OSBPL6: variants seen among roughly 807,000 people sequenced by gnomAD.
OSBPL6 encodes the protein oxysterol binding protein like 6.
Under a neutral mutation model 125.8 loss-of-function variants are expected in OSBPL6, and 49 were observed. The ratio of observed to expected loss-of-function variants is 0.39; its 90% CI spans 0.31 to 0.49. The LOEUF is 0.49. Ranked by LOEUF, OSBPL6 falls within the 20% of genes least tolerant of loss-of-function variation. The probability of loss-of-function intolerance (pLI) is 0.88; values close to 1 mark genes in which losing one functional copy is unlikely to be tolerated. For synonymous variants in OSBPL6, 394 were observed against 391.8 expected (o/e 1.01, Z -0.07); for missense variants, 986 against 1,135.4 (o/e 0.87, Z 1.89).
chr2:178,380,433 G>A (rs1166647649), intron 15 of OSBPL6, among the ~76,000 whole-genome samples: 1 of 135,188 alleles, frequency 7.4e-6, no homozygotes, highest in Non-Finnish European at 1.5e-5. Context: ...CTTCAGCCTG[G>A]GCAGCAGAGT....
In OSBPL6 at chr2:178,250,165, C is replaced by T. The variant is rs114255001; in HGVS notation, c.-350-34762C>T. 2.2e-3 allele frequency among the ~76,000 whole-genome samples: 333 copies of T among 152,254 alleles called. 2 individuals carry two copies. Among genetic ancestry groups the T allele is most frequent in the African/African-American group, 7.8e-3 (326 of 41,546 alleles). Reference sequence around the variant, plus strand: ...CAGCTATGCTGATGCCGTTTGGTTTCCAAGACTGAATTCTTGATGCTTCAT... The same window carrying T: ...CAGCTATGCTGATGCCGTTTGGTTTTCAAGACTGAATTCTTGATGCTTCAT... On this transcript the variant is annotated intron_variant, in intron 1 of 24. Coordinates refer to ENST00000190611, the MANE Select transcript of OSBPL6 (RefSeq NM_032523.4).
intron 2 of OSBPL6, among the ~76,000 whole-genome samples, chr2:178,296,219 G>T (rs1192588120): frequency 1.3e-5 from 2 of 152,168 alleles, no homozygotes; most frequent in Non-Finnish European, 2.9e-5. Context: ...TTTCCAGGAA[G>T]TTCCCAAGTG....
At chr2:178,252,856 G>A (rs1574637247) in intron 1 of OSBPL6, among the ~76,000 whole-genome samples, 1 of 152,156 alleles carries the variant, frequency 6.6e-6, no homozygotes, top group East Asian at 1.9e-4. Flanking sequence ...CACTAAAATA[G>A]TATGATCTTT....
chr2:178,353,771 A>C (rs968916488), intron 12 of OSBPL6, among the ~76,000 whole-genome samples: 7 of 152,222 alleles, frequency 4.6e-5, no homozygotes, highest in Admixed American at 4.6e-4. Flanking sequence ...CAACAAGAGC[A>C]ACCCCAAGGC....
chr2:178,347,111 AAAT>A (rs199817012), intron 11 of OSBPL6, among the ~76,000 whole-genome samples: 4,773 of 152,222 alleles, frequency 0.031, 237 homozygotes, highest in African/African-American at 0.11. Context: ...TTTAATAGAG[AAAT>A]AATAATTTAT....
intron 3 of OSBPL6, among the ~76,000 whole-genome samples, chr2:178,317,437 CATATATATAT>C (rs6147046): frequency 0.12 from 12,672 of 106,560 alleles, 804 homozygotes; most frequent in East Asian, 0.16. Context: ...ACTTAGACAC[CATATATATAT>C]ATATATATAT....
chr2:178,257,275 T>C (rs1034652690), intron 1 of OSBPL6, among the ~76,000 whole-genome samples: 1 of 152,230 alleles, frequency 6.6e-6, no homozygotes, highest in African/African-American at 2.4e-5. Context: ...TAGAATATGC[T>C]TTTAGGCATC....
chr2:178,395,455 G>C lies in OSBPL6; in HGVS notation c.2701G>C (p.Val901Leu). ...LEHIPKFFKK[V>L]IDANQREAWV... ...TTGATGTTTATATTTTCACAGAAAA[G>C]TTATTGATGCCAATCAAAGAGAAGC... is the stretch of plus-strand genomic sequence containing the variant. The change falls in exon 25 of 25, where the codon GTT becomes CTT. Residue 901 changes from valine (V) to leucine (L), a missense_variant. Coordinates refer to ENST00000190611, the MANE Select transcript of OSBPL6 (RefSeq NM_032523.4). 1 of 1,612,074 alleles carries C rather than the reference G, an allele frequency of 6.2e-7. No individual in the cohort carries two copies. The highest frequency in any genetic ancestry group is 8.5e-7 in the Non-Finnish European group (1 of 1,178,564).
chr2:178,215,448 T>C (rs939281497), intron 1 of OSBPL6, among the ~76,000 whole-genome samples: 1 of 152,172 alleles, frequency 6.6e-6, no homozygotes, highest in African/African-American at 2.4e-5. Context: ...GCAGTGGAGA[T>C]GAGGCTGAAT....
chr2:178,339,578 G>A (rs1225166873), intron 10 of OSBPL6, 94 bp from the exon 11 acceptor site: 4 of 954,534 alleles, frequency 4.2e-6, no homozygotes, highest in African/African-American at 1.7e-5. Flanking sequence ...CTCTAACAAT[G>A]ACCTTTAGTA....
At position 178,398,956 on chromosome 2, in the gene OSBPL6, A is replaced by G. The variant is rs1696009733; in HGVS notation, c.*3397A>G. The G allele has an allele frequency of 6.6e-6, 1 of 151,966 alleles. No homozygotes were observed. Among genetic ancestry groups the G allele is most frequent in the Non-Finnish European group, 1.5e-5 (1 of 68,024 alleles). The allele number at this position is 151,966 out of a possible 1,614,324, so 9.4% of individuals were successfully genotyped here. ...TTTTTGTTATTACCTTGTGGATTTTAATTATCCATCTTGTCTAATCTTGTT... is the reference window on the plus strand; with the variant it reads ...TTTTTGTTATTACCTTGTGGATTTTGATTATCCATCTTGTCTAATCTTGTT... On this transcript the variant is annotated 3_prime_UTR_variant, in exon 25 of 25. Transcript: ENST00000190611.
intron 2 of OSBPL6, among the ~76,000 whole-genome samples, chr2:178,296,926 A>T (rs1253991513): frequency 6.6e-6 from 1 of 152,214 alleles, no homozygotes; most frequent in Non-Finnish European, 1.5e-5. Context: ...GCTTGCATAA[A>T]CACTGCTATT....
At chr2:178,381,983 C>G (rs1469523704) in intron 15 of OSBPL6, among the ~76,000 whole-genome samples, 1 of 152,208 alleles carries the variant, frequency 6.6e-6, no homozygotes, top group Non-Finnish European at 1.5e-5. Context: ...TGGGCAACTC[C>G]TATTCATTCT....
intron 3 of OSBPL6, among the ~76,000 whole-genome samples, chr2:178,315,716 C>T (rs62176078): frequency 0.18 from 26,997 of 152,026 alleles, 2,594 homozygotes; most frequent in Admixed American, 0.24. Context: ...ACTGCCTGTT[C>T]GGTTCTCAGG....
intron 2 of OSBPL6, among the ~76,000 whole-genome samples, chr2:178,286,073 A>G (rs1332966453): frequency 2.6e-5 from 4 of 152,240 alleles, no homozygotes; most frequent in Non-Finnish European, 5.9e-5. Flanking sequence ...ATTTTAGATT[A>G]GAGCTTGCAA....
intron 1 of OSBPL6, among the ~76,000 whole-genome samples, chr2:178,253,317 A>G (rs1224755901): frequency 3.3e-5 from 5 of 152,122 alleles, no homozygotes; most frequent in Non-Finnish European, 5.9e-5. Context: ...CACTGTGCCC[A>G]GCCTTAAACC....
At chr2:178,310,682 G>A (rs1687195220) in intron 3 of OSBPL6, among the ~76,000 whole-genome samples, 1 of 152,122 alleles carries the variant, frequency 6.6e-6, no homozygotes, top group Non-Finnish European at 1.5e-5. Flanking sequence ...CTCCCAAAGT[G>A]CGGGGATTAC....
chr2:178,352,066 C>A (rs528555856), intron 12 of OSBPL6, among the ~76,000 whole-genome samples: 3 of 152,286 alleles, frequency 2.0e-5, no homozygotes, highest in Admixed American at 6.5e-5. Context: ...ATGCTAATGG[C>A]ACTCTTCCAA....
chr2:178,218,409 A>T (rs199879506), intron 1 of OSBPL6, among the ~76,000 whole-genome samples: 6,177 of 41,970 alleles, frequency 0.15, 137 homozygotes, highest in African/African-American at 0.31. Context: ...AAAAAAAATT[A>T]AAAAAAAAAA....
Sources: allele counts gnomAD v4.1 joint callset (sites outside exome capture counted in the v4.1 genomes callset), GRCh38; gene constraint gnomAD v4.1.1; transcripts MANE v1.5; gene names NCBI Gene and HGNC (gene_info 2026-07-23, HGNC 2026-07-21).